The following CD82 variants were observed in gnomAD, a reference collection of about 807,000 sequenced individuals.
The protein encoded by CD82 is CD82 antigen.
CD82 carries 36 observed loss-of-function variants against 37.4 expected under a neutral mutation model. The ratio of observed to expected loss-of-function variants is 0.96; its 90% CI spans 0.74 to 1.27. CD82 has a LOEUF of 1.27. CD82 is among the 50% of genes most tolerant of loss of function. The probability of loss-of-function intolerance (pLI) is 0.00; values close to 1 mark genes in which losing one functional copy is unlikely to be tolerated. For missense variants in CD82, 340 were observed against 347.0 expected, an observed-to-expected ratio of 0.98 and a Z score of 0.16; for synonymous variants, 158 against 137.4, an observed-to-expected ratio of 1.15 and a Z score of -1.05.
intron 6 of CD82, among the ~76,000 whole-genome samples, chr11:44,611,771 T>C (rs1565094356): frequency 1.3e-5 from 2 of 152,206 alleles, no homozygotes; most frequent in East Asian, 3.8e-4. Flanking sequence ...CCAGCCCCTG[T>C]GGCCATGGTC....
At position 44,605,408 on chromosome 11, in the gene CD82, C is replaced by G. The variant is rs1853379349; in HGVS notation, c.315C>G (p.Leu105=). The change falls in exon 6 of 10, where the codon CTC becomes CTG. Residue 105 remains leucine (L), a synonymous_variant. Transcript: ENST00000227155. ...ILIAQVTAGA[L]FYFNMGKLKQ... ...TTGCCCAGGTGACGGCCGGGGCCCT[C>G]TTCTACTTCAACATGGGCAAGGTAA... is the stretch of plus-strand genomic sequence containing the variant. 1 of 1,614,186 alleles carries G rather than the reference C, an allele frequency of 6.2e-7. No homozygotes were observed.
chr11:44,601,437 C>A (rs866913590), intron 4 of CD82, among the ~76,000 whole-genome samples: 2 of 152,116 alleles, frequency 1.3e-5, no homozygotes, highest in Non-Finnish European at 2.9e-5. Flanking sequence ...TACCCGTGCC[C>A]CCCACATTCT....
At chr11:44,588,457 C>T (rs1049608332) in intron 2 of CD82, among the ~76,000 whole-genome samples, 5 of 152,068 alleles carry the variant, frequency 3.3e-5, no homozygotes, top group Admixed American at 6.6e-5. Flanking sequence ...CTCCTGACCT[C>T]GTGATCCGCC....
chr11:44,618,473 CTGTCATT>C, intron 8 of CD82, 108 bp downstream of exon 8: 1 of 1,092,948 alleles, frequency 9.1e-7, no homozygotes. Flanking sequence ...CTTAATTCAT[CTGTCATT>C]TGTACCTTCA....
intron 1 of CD82, among the ~76,000 whole-genome samples, chr11:44,567,022 A>C (rs1852745641): frequency 6.6e-6 from 1 of 152,242 alleles, no homozygotes; most frequent in Non-Finnish European, 1.5e-5. Context: ...AGAGAGCTAG[A>C]GGATACAGAG....
In CD82 at chr11:44,619,126, A is replaced by G. The variant is rs772351881; in HGVS notation, c.804A>G (p.Ter268TrpextTer50). Reference protein sequence around the residue: ...SEDYSKVPKY* With the variant: ...SEDYSKVPKYW Reference sequence around the variant, plus strand: ...ACTACAGCAAGGTCCCCAAGTACTGAGGCAGCTGCTATCCCCATCTCCCTG... The same window carrying G: ...ACTACAGCAAGGTCCCCAAGTACTGGGGCAGCTGCTATCCCCATCTCCCTG... The change falls in exon 10 of 10, where the codon TGA becomes TGG. Residue 268 changes from the stop codon to tryptophan (W), a stop_lost. Transcript: ENST00000227155. 4 of 1,612,752 alleles carry G rather than the reference A, an allele frequency of 2.5e-6. No individual in the cohort carries two copies. Among genetic ancestry groups the G allele is most frequent in the Non-Finnish European group, 2.5e-6 (3 of 1,179,046 alleles).
chr11:44,603,057 G>A (rs556323446), intron 4 of CD82, among the ~76,000 whole-genome samples: 1 of 152,332 alleles, frequency 6.6e-6, no homozygotes, highest in African/African-American at 2.4e-5. Context: ...GGCAATGTCA[G>A]TTTCTTTTTT....
In CD82 at chr11:44,597,302, G is replaced by A. The variant is rs887211724; in HGVS notation, c.63+2577G>A. 3.3e-5 allele frequency among the ~76,000 whole-genome samples: 5 copies of A among 152,230 alleles called. No homozygotes were observed. Among genetic ancestry groups the A allele is most frequent in the African/African-American group, 1.2e-4 (5 of 41,456 alleles). On this transcript the variant is annotated intron_variant, in intron 3 of 9. Coordinates refer to ENST00000227155, the MANE Select transcript of CD82 (RefSeq NM_002231.4). The surrounding 1 kb of genome is among the most constrained non-coding windows in gnomAD (Gnocchi z 4.1). ...TGCTGTGGCTATGCTGGGGAAGGACGCTCACTGCTCTGAGGGTCCTGGCTC... is the reference window on the plus strand; with the variant it reads ...TGCTGTGGCTATGCTGGGGAAGGACACTCACTGCTCTGAGGGTCCTGGCTC...
chr11:44,618,530 G>C, intron 8 of CD82, 110 bp from the exon 9 acceptor site: 3 of 1,104,006 alleles, frequency 2.7e-6, no homozygotes, highest in Non-Finnish European at 4.1e-6. Flanking sequence ...GGAACAGGCA[G>C]AGCCCTCTGT....
chr11:44,612,884 ACCT>A (rs1450034312), intron 6 of CD82, among the ~76,000 whole-genome samples: 1 of 151,698 alleles, frequency 6.6e-6, no homozygotes, highest in African/African-American at 2.4e-5. Flanking sequence ...TAATCTGCCC[ACCT>A]TGGCCTCCCA....
chr11:44,592,258 T>A (rs367828451), intron 2 of CD82, among the ~76,000 whole-genome samples: 1 of 152,236 alleles, frequency 6.6e-6, no homozygotes, highest in Non-Finnish European at 1.5e-5. Context: ...GACTCAGGGT[T>A]GCCAAAGAAC....
intron 6 of CD82, among the ~76,000 whole-genome samples, chr11:44,611,998 G>C (rs752724802): frequency 6.6e-6 from 1 of 152,242 alleles, no homozygotes; most frequent in South Asian, 2.1e-4. Context: ...AGCTGGGTGG[G>C]TGGGGAAGGA....
intron 6 of CD82, among the ~76,000 whole-genome samples, chr11:44,608,987 C>T (rs750895297): frequency 1.3e-5 from 2 of 152,238 alleles, no homozygotes; most frequent in Non-Finnish European, 2.9e-5. Flanking sequence ...TTATTATTGC[C>T]GCCATTATTC....
At chr11:44,580,601 T>C (rs1472843821) in intron 1 of CD82, among the ~76,000 whole-genome samples, 1 of 152,118 alleles carries the variant, frequency 6.6e-6, no homozygotes, top group Non-Finnish European at 1.5e-5. Context: ...TAATCCTGGC[T>C]ACATGGGAGG....
chr11:44,596,863 T>C, intron 3 of CD82: 2 of 455,746 alleles, frequency 4.4e-6, no homozygotes, highest in Non-Finnish European at 4.4e-6. Context: ...AGCAGTGGGC[T>C]TCCATCAAAT....
chr11:44,619,231 C>A lies in CD82; in HGVS notation c.*105C>A. 1.1e-6 allele frequency: 1 copy of A among 905,376 alleles called. No homozygotes were observed. Among genetic ancestry groups the A allele is most frequent in the South Asian group, 1.3e-5 (1 of 75,024 alleles). The allele number at this position is 905,376 out of a possible 1,614,324, so 56.1% of individuals were successfully genotyped here. On this transcript the variant is annotated 3_prime_UTR_variant, in exon 10 of 10. Coordinates refer to ENST00000227155, the MANE Select transcript of CD82 (RefSeq NM_002231.4). ...CTGCCTCCCACTTCACTGCGAAGAC[C>A]CTCTTGCCCATCCTGACTGAAAGTA...
intron 1 of CD82, among the ~76,000 whole-genome samples, chr11:44,580,613 T>C (rs1011058305): frequency 1.3e-5 from 2 of 152,098 alleles, no homozygotes; most frequent in Non-Finnish European, 2.9e-5. Flanking sequence ...CATGGGAGGC[T>C]GAGGCAGGAG....
Position 44,618,717 on chromosome 11 carries a change from C to T in CD82, c.720C>T (p.Ile240=), listed in dbSNP as rs199858417. The stretch of plus-strand genomic sequence containing the variant: ...TCGGCGTGGGCGTGGGTGTGGCCAT[C>T]ATCGAGGTCTGAGCCCCCTCCCCCA... ...IILGVGVGVA[I]IELLGMVLSI... Residue 240 remains isoleucine, a synonymous_variant, in exon 9 of 10, where the codon ATC becomes ATT. Transcript: ENST00000227155. 99 of 1,613,094 alleles carry T rather than the reference C, an allele frequency of 6.1e-5. No homozygotes were observed. The East Asian group carries it at 1.2e-3, about 19-fold the overall frequency.
rs2134692268 is a variant in CD82, at chr11:44,615,261, C to T, written c.337-11C>T. On this transcript the variant is annotated splice_polypyrimidine_tract_variant and intron_variant, in intron 6 of 9. Transcript: ENST00000227155. ...GAAATCTGACCCTGACCTTTGTCCT[C>T]CCCCCTGCAGCTGAAGCAGGAGATG... 6.4e-7 allele frequency: 1 copy of T among 1,574,326 alleles called. No homozygotes were observed.
Sources: gnomAD v4.1 joint callset for allele counts (sites outside exome capture counted in the v4.1 genomes callset) on GRCh38, gnomAD v4.1.1 for gene constraint, Gnocchi (gnomAD v3.1) non-coding constraint, MANE v1.5 for transcripts, NCBI Gene and HGNC (gene_info 2026-07-23, HGNC 2026-07-21) for gene names.